Variants in LPAR3 observed in about 807,000 individuals in gnomAD.
LPAR3 encodes the protein LPA receptor 3.
LPAR3 carries 7 observed loss-of-function variants against 17.8 expected under a neutral mutation model. That is an observed-to-expected ratio of 0.39 (90% CI 0.22 to 0.74). The LOEUF (loss-of-function observed/expected upper bound fraction) is 0.74, where lower values mean the gene tolerates loss of function less well. Among genes scored for constraint, LPAR3 ranks in the 30% least tolerant of loss-of-function variants. LPAR3 has a pLI of 0.40. For missense variants in LPAR3, 391 were observed against 453.4 expected (o/e 0.86, Z 1.25); for synonymous variants, 179 against 179.9 (o/e 0.99, Z 0.04).
chr1:84,821,924 C>T (rs931114537), intron 2 of LPAR3, among the ~76,000 whole-genome samples: 2 of 152,118 alleles, frequency 1.3e-5, no homozygotes, highest in African/African-American at 4.8e-5. Flanking sequence ...TTTTAGGCAT[C>T]AGGCACTTAG....
At chr1:84,876,169 A>G (rs1165604702) in intron 1 of LPAR3, among the ~76,000 whole-genome samples, 1 of 152,166 alleles carries the variant, frequency 6.6e-6, no homozygotes. Context: ...CTGGAGAGGA[A>G]GGCTCATATC....
chr1:84,833,761 G>A (rs938258578), intron 2 of LPAR3, among the ~76,000 whole-genome samples: 2 of 152,148 alleles, frequency 1.3e-5, no homozygotes, highest in Admixed American at 1.3e-4. Context: ...CAGCTGCAGG[G>A]GTGGCTGTAA....
chr1:84,873,294 T>C (rs1340890631), intron 1 of LPAR3, among the ~76,000 whole-genome samples: 2 of 152,202 alleles, frequency 1.3e-5, no homozygotes, highest in Non-Finnish European at 2.9e-5. Flanking sequence ...TAAGGGATAC[T>C]GTGTGTGGGA....
intron 1 of LPAR3, among the ~76,000 whole-genome samples, chr1:84,866,925 G>A (rs914094930): frequency 2.0e-5 from 3 of 152,274 alleles, no homozygotes; most frequent in African/African-American, 7.2e-5. Context: ...GGATTTTCCA[G>A]CATTCCTCAA....
At chr1:84,826,457 C>CT (rs1383670629) in intron 2 of LPAR3, among the ~76,000 whole-genome samples, 1 of 151,762 alleles carries the variant, frequency 6.6e-6, no homozygotes, top group Non-Finnish European at 1.5e-5. Context: ...ACCATAAAAT[C>CT]TTTAAGTCTT....
At chr1:84,868,113 C>T (rs9730423) in intron 1 of LPAR3, among the ~76,000 whole-genome samples, 23,405 of 148,974 alleles carry the variant, frequency 0.16, 2,162 homozygotes, top group African/African-American at 0.26. Flanking sequence ...AGAGAGATAG[C>T]ATTTTTTTTT....
chr1:84,829,902 G>A (rs1235959872), intron 2 of LPAR3, among the ~76,000 whole-genome samples: 1 of 152,150 alleles, frequency 6.6e-6, no homozygotes, highest in African/African-American at 2.4e-5. Context: ...GACAGGGCAA[G>A]CAGTACAGGG....
chr1:84,813,829 C>A lies in LPAR3; in HGVS notation c.*17G>T. 6.2e-7 allele frequency: 1 copy of A among 1,603,286 alleles called. No homozygotes were observed. Among genetic ancestry groups the A allele is most frequent in the South Asian group, 1.1e-5 (1 of 90,376 alleles). On this transcript the variant is annotated 3_prime_UTR_variant, in exon 3 of 3. Coordinates refer to ENST00000370611, the MANE Select transcript of LPAR3 (RefSeq NM_012152.3). ...TTTCCCAGAGGAGGCCTGGGTGGGC[C>A]GAGAGGCATCCAGAGTTTAGGAAGT...
At chr1:84,843,799 A>AACCC (rs1659550854) in intron 2 of LPAR3, among the ~76,000 whole-genome samples, 2 of 152,344 alleles carry the variant, frequency 1.3e-5, no homozygotes, top group East Asian at 3.9e-4. Flanking sequence ...CTATTCCTGG[A>AACCC]ACCCATCAAG....
chr1:84,822,306 C>A (rs1452811779), intron 2 of LPAR3, among the ~76,000 whole-genome samples: 2 of 152,032 alleles, frequency 1.3e-5, no homozygotes, highest in East Asian at 3.9e-4. Flanking sequence ...ATTAAATAAA[C>A]TAGTTTGAGA....
chr1:84,892,212 CAAAAATAAATAAATAA>C (rs1366512920), intron 1 of LPAR3, among the ~76,000 whole-genome samples: 1,393 of 119,438 alleles, frequency 0.012, 18 homozygotes, highest in African/African-American at 0.042. Flanking sequence ...GACTGTGTCT[CAAAAATAAATAAATAA>C]ATAAATAAAT....
intron 2 of LPAR3, among the ~76,000 whole-genome samples, chr1:84,850,412 A>G (rs563934924): frequency 2.4e-4 from 36 of 149,832 alleles, no homozygotes; most frequent in Admixed American, 3.3e-4. Context: ...AAAAAAAAAA[A>G]AAAAAGAAAA....
chr1:84,816,973 C>T lies in LPAR3; in HGVS notation c.737-2802G>A, dbSNP rs190175327. Among the ~76,000 whole-genome samples, 8 of 152,270 alleles carry T rather than the reference C, an allele frequency of 5.3e-5. No individual in the cohort carries two copies. In the South Asian group the frequency reaches 8.3e-4, roughly 16 times the overall value. ...CCTTCAGGTTTTTGAAGACAGTTAA[C>T]GCTTTCTGTCTTTCTTTAGCCTTTT... On this transcript the variant is annotated intron_variant, in intron 2 of 2. Coordinates refer to ENST00000370611, the MANE Select transcript of LPAR3 (RefSeq NM_012152.3).
intron 2 of LPAR3, among the ~76,000 whole-genome samples, chr1:84,844,508 A>G (rs1659562298): frequency 6.6e-6 from 1 of 152,226 alleles, no homozygotes. Context: ...CTAATTCTTG[A>G]ATAAATACAA....
chr1:84,874,791 T>G (rs1414703973), intron 1 of LPAR3, among the ~76,000 whole-genome samples: 1 of 152,206 alleles, frequency 6.6e-6, no homozygotes, highest in Non-Finnish European at 1.5e-5. Context: ...ATTAATATTA[T>G]TTACACATAA....
intron 2 of LPAR3, among the ~76,000 whole-genome samples, chr1:84,838,145 G>A (rs1265559757): frequency 1.3e-5 from 2 of 152,138 alleles, no homozygotes; most frequent in Non-Finnish European, 2.9e-5. Context: ...TAGTCCTTGG[G>A]AGTTGGGGAC....
At chr1:84,837,989 A>G (rs545744131) in intron 2 of LPAR3, among the ~76,000 whole-genome samples, 17 of 152,306 alleles carry the variant, frequency 1.1e-4, no homozygotes, top group African/African-American at 3.8e-4. Context: ...GATGGCTCCT[A>G]TGGTTCCTAC....
Position 84,849,036 on chromosome 1 carries a change from T to C in LPAR3, c.736+16349A>G, listed in dbSNP as rs72718722. 9.2e-3 allele frequency among the ~76,000 whole-genome samples: 1,397 copies of C among 152,218 alleles called. 13 individuals carry two copies. Among genetic ancestry groups the C allele is most frequent in the South Asian group, 0.033 (161 of 4,822 alleles). On this transcript the variant is annotated intron_variant, in intron 2 of 2. Coordinates refer to ENST00000370611, the MANE Select transcript of LPAR3 (RefSeq NM_012152.3). ...GAACCAAGGAGCTTGGAACATATCCTGGGGAGGAAAACACTGACCTTCCAA... is the reference window on the plus strand; with the variant it reads ...GAACCAAGGAGCTTGGAACATATCCCGGGGAGGAAAACACTGACCTTCCAA...
At chr1:84,875,223 G>A (rs1660234805) in intron 1 of LPAR3, among the ~76,000 whole-genome samples, 1 of 152,118 alleles carries the variant, frequency 6.6e-6, no homozygotes, top group African/African-American at 2.4e-5. Context: ...TTTAAAGTGT[G>A]AACATTCACA....
Sources: gnomAD v4.1 joint callset for allele counts (sites outside exome capture counted in the v4.1 genomes callset) on GRCh38, gnomAD v4.1.1 for gene constraint, MANE v1.5 for transcripts, NCBI Gene and HGNC (gene_info 2026-07-23, HGNC 2026-07-21) for gene names.